The following SOX5 variants were observed in gnomAD, a reference collection of about 807,000 sequenced individuals.
SOX5 encodes the protein transcription factor SOX-5.
SOX5 carries 9 observed loss-of-function variants against 92.0 expected under a neutral mutation model. That is an observed-to-expected ratio of 0.10 (90% CI 0.06 to 0.17). The LOEUF is 0.17. Among genes scored for constraint, SOX5 ranks in the 10% least tolerant of loss-of-function variants. The probability of loss-of-function intolerance (pLI) is 1.00; values close to 1 mark genes in which losing one functional copy is unlikely to be tolerated. For synonymous variants in SOX5, 344 were observed against 336.3 expected (o/e 1.02, Z -0.25); for missense variants, 642 against 944.5 (o/e 0.68, Z 4.20).
rs1161886664 is a variant in SOX5, at chr12:24,541,461, A to G, written c.-251+20868T>C. Among the ~76,000 whole-genome samples, 5 of 151,948 alleles carry G rather than the reference A, an allele frequency of 3.3e-5. No homozygotes were observed. In the East Asian group the frequency reaches 9.6e-4, roughly 29 times the overall value. On this transcript the variant is annotated intron_variant, in intron 1 of 4. Transcript: ENST00000446891. The stretch of plus-strand genomic sequence containing the variant: ...GTTGTTTCATCAATATGACTATGAC[A>G]ATGGGACTCAATACTATTTAATCGA...
At chr12:23,882,486 T>C (rs1568598343) in intron 2 of SOX5, among the ~76,000 whole-genome samples, 1 of 152,176 alleles carries the variant, frequency 6.6e-6, no homozygotes, top group African/African-American at 2.4e-5. Flanking sequence ...TTAAAATATA[T>C]ACCATTCCAA....
chr12:23,659,331 G>GGAAC (rs1335456266), intron 7 of SOX5, among the ~76,000 whole-genome samples: 2 of 152,162 alleles, frequency 1.3e-5, no homozygotes, highest in Admixed American at 6.5e-5. Context: ...CGGTGTATGA[G>GGAAC]GAACTAATTA....
intron 2 of SOX5, among the ~76,000 whole-genome samples, chr12:23,870,430 T>C (rs550953973): frequency 2.6e-5 from 4 of 152,236 alleles, no homozygotes; most frequent in Non-Finnish European, 5.9e-5. Flanking sequence ...AAAATATTTT[T>C]ACTCTCCATT....
chr12:24,062,200 A>G (rs1939861675), intron 4 of SOX5, among the ~76,000 whole-genome samples: 1 of 152,204 alleles, frequency 6.6e-6, no homozygotes, highest in East Asian at 1.9e-4. Context: ...ACCTAAGCAA[A>G]GAAAAGTCTC....
chr12:23,785,740 C>T (rs2095366106), intron 3 of SOX5, among the ~76,000 whole-genome samples: 1 of 152,082 alleles, frequency 6.6e-6, no homozygotes, highest in African/African-American at 2.4e-5. Context: ...TATGCCCAGA[C>T]ACAAACACAC....
At chr12:24,462,640 T>G (rs1347892330) in intron 1 of SOX5, among the ~76,000 whole-genome samples, 1 of 152,214 alleles carries the variant, frequency 6.6e-6, no homozygotes, top group East Asian at 1.9e-4. Context: ...GTATAAAATT[T>G]GATTAAAAAT....
intron 7 of SOX5, among the ~76,000 whole-genome samples, chr12:23,663,084 A>G (rs1268910094): frequency 2.6e-5 from 4 of 152,142 alleles, no homozygotes; most frequent in Non-Finnish European, 4.4e-5. Flanking sequence ...TAGGGAGGAC[A>G]TCGTCTGGAC....
upstream of SOX5, chr12:23,949,731 C>CCTCTCT (rs141363242): frequency 2.7e-5 from 20 of 749,904 alleles, no homozygotes; most frequent in Non-Finnish European, 3.4e-5. Context: ...TCCCTCCCTC[C>CCTCTCT]CTCTCTCTCT....
intron 4 of SOX5, among the ~76,000 whole-genome samples, chr12:24,026,666 TAA>T (rs58294728): frequency 3.6e-4 from 50 of 139,940 alleles, no homozygotes; most frequent in African/African-American, 1.2e-3. Context: ...GTCTATTAGA[TAA>T]AAAAAAAAAA....
At chr12:23,774,468 T>C (rs763439172) in intron 3 of SOX5, among the ~76,000 whole-genome samples, 1 of 152,210 alleles carries the variant, frequency 6.6e-6, no homozygotes, top group Non-Finnish European at 1.5e-5. Context: ...TTTTTCTTCC[T>C]TTGCACCCAA....
At chr12:24,381,120 A>T (rs1353519480) in intron 1 of SOX5, among the ~76,000 whole-genome samples, 1 of 152,226 alleles carries the variant, frequency 6.6e-6, no homozygotes, top group Non-Finnish European at 1.5e-5. Flanking sequence ...AGTACGTAAA[A>T]GCACAGCCTG....
chr12:24,113,531 C>T (rs991323267), intron 4 of SOX5, among the ~76,000 whole-genome samples: 2 of 152,032 alleles, frequency 1.3e-5, no homozygotes, highest in Admixed American at 6.5e-5. Flanking sequence ...AATTATTATG[C>T]TGTGATACCC....
intron 4 of SOX5, among the ~76,000 whole-genome samples, chr12:24,028,757 G>T (rs1463765060): frequency 6.6e-6 from 1 of 151,980 alleles, no homozygotes; most frequent in Non-Finnish European, 1.5e-5. Flanking sequence ...ATTGAAGACT[G>T]AATCACATTT....
intron 3 of SOX5, among the ~76,000 whole-genome samples, chr12:23,779,814 T>TATATATACACAC (rs777013504): frequency 2.5e-3 from 275 of 110,752 alleles, no homozygotes; most frequent in Middle Eastern, 4.9e-3. Context: ...TATATATATA[T>TATATATACACAC]ACACACACAC....
At chr12:24,357,669 T>C (rs1033536087) in intron 2 of SOX5, among the ~76,000 whole-genome samples, 2 of 151,748 alleles carry the variant, frequency 1.3e-5, no homozygotes, top group East Asian at 1.9e-4. Context: ...ACGGTGAAAC[T>C]CCATTTCTAC....
chr12:24,116,130 T>G (rs1268859241), intron 4 of SOX5, among the ~76,000 whole-genome samples: 2 of 152,150 alleles, frequency 1.3e-5, no homozygotes, highest in Non-Finnish European at 2.9e-5. Context: ...CTGAGTTCAA[T>G]CCTCTTCTTT....
intron 3 of SOX5, among the ~76,000 whole-genome samples, chr12:23,802,198 C>A (rs968482615): frequency 6.6e-6 from 1 of 151,882 alleles, no homozygotes; most frequent in Non-Finnish European, 1.5e-5. Context: ...CTCAGCCTCC[C>A]GAGTAGCTGG....
intron 2 of SOX5, among the ~76,000 whole-genome samples, chr12:23,856,868 A>G (rs2096697363): frequency 6.6e-6 from 1 of 152,168 alleles, no homozygotes; most frequent in South Asian, 2.1e-4. Context: ...AGTACTAATC[A>G]CACTCTTTTA....
intron 2 of SOX5, among the ~76,000 whole-genome samples, chr12:24,362,583 A>T (rs1169940926): frequency 1.3e-5 from 2 of 152,116 alleles, no homozygotes; most frequent in Non-Finnish European, 2.9e-5. Flanking sequence ...CTATAAACAA[A>T]ATAGAATTCT....
Sources: allele counts gnomAD v4.1 joint callset (sites outside exome capture counted in the v4.1 genomes callset), GRCh38; gene constraint gnomAD v4.1.1; transcripts MANE v1.5; gene names NCBI Gene and HGNC (gene_info 2026-07-23, HGNC 2026-07-21).